The following CFAP54 variants were observed in gnomAD, a reference collection of about 807,000 sequenced individuals.
The protein encoded by CFAP54 is cilia and flagella associated protein 54.
Under a neutral mutation model 370.4 loss-of-function variants are expected in CFAP54, and 290 were observed. The ratio of observed to expected loss-of-function variants is 0.78; its 90% CI spans 0.71 to 0.86. The LOEUF (loss-of-function observed/expected upper bound fraction) is 0.86. Ranked by LOEUF, CFAP54 falls within the 40% of genes least tolerant of loss-of-function variation. CFAP54 has a pLI of 0.00. For missense variants in CFAP54, 3,399 were observed against 3,528.7 expected (o/e 0.96, Z 0.93); for synonymous variants, 1,206 against 1,236.5 (o/e 0.98, Z 0.52).
Position 96,574,090 on chromosome 12 carries a change from G to GA in CFAP54, c.2620-2489dup, listed in dbSNP as rs535419329. Among the ~76,000 whole-genome samples, 971 of 152,222 alleles carry GA rather than the reference G, an allele frequency of 6.4e-3. 9 individuals carry two copies. The highest frequency in any genetic ancestry group is 0.01 in the Non-Finnish European group (707 of 68,006). On this transcript the variant is annotated intron_variant, in intron 19 of 67. Coordinates refer to ENST00000524981, the MANE Select transcript of CFAP54 (RefSeq NM_001306084.2). ...ATTTCGACCAGGCTTCATTATTTTAGAAAAAATATATGATGTTATAGTTTT... is the reference window on the plus strand; with the variant it reads ...ATTTCGACCAGGCTTCATTATTTTAGAAAAAAATATATGATGTTATAGTTTT...
intron 67 of CFAP54, among the ~76,000 whole-genome samples, chr12:96,865,026 G>A (rs1253226630): frequency 2.0e-5 from 3 of 152,142 alleles, no homozygotes; most frequent in Admixed American, 6.5e-5. Flanking sequence ...GGAGAAAACA[G>A]TGAACCCAGA....
intron 19 of CFAP54, among the ~76,000 whole-genome samples, chr12:96,568,332 C>T (rs557244981): frequency 1.3e-5 from 2 of 151,930 alleles, no homozygotes; most frequent in East Asian, 3.9e-4. Flanking sequence ...TTAGGATAGA[C>T]TCTTGAGATG....
intron 19 of CFAP54, among the ~76,000 whole-genome samples, chr12:96,566,014 G>A (rs1955862407): frequency 6.6e-6 from 1 of 152,114 alleles, no homozygotes; most frequent in Non-Finnish European, 1.5e-5. Context: ...CCTTCACTGG[G>A]CACTCATTCT....
intron 21 of CFAP54, 68 bp downstream of exon 21, chr12:96,580,757 T>A: frequency 8.4e-7 from 1 of 1,190,560 alleles, no homozygotes; most frequent in South Asian, 1.7e-5. Flanking sequence ...TTAAATGAAG[T>A]CATTGTTTTG....
chr12:96,542,592 T>C (rs1955588880), intron 14 of CFAP54, among the ~76,000 whole-genome samples: 1 of 152,156 alleles, frequency 6.6e-6, no homozygotes, highest in South Asian at 2.1e-4. Flanking sequence ...CCCTGCAACG[T>C]TTCCCCCTCT....
intron 17 of CFAP54, among the ~76,000 whole-genome samples, chr12:96,562,504 G>A (rs527993547): frequency 6.8e-6 from 1 of 147,610 alleles, no homozygotes; most frequent in South Asian, 2.1e-4. Flanking sequence ...TCAGCTCACT[G>A]GAACCTCTGC....
At chr12:96,620,022 A>T (rs1035208828) in intron 26 of CFAP54, among the ~76,000 whole-genome samples, 18 of 152,154 alleles carry the variant, frequency 1.2e-4, no homozygotes, top group African/African-American at 3.6e-4. Flanking sequence ...AAAAATTTTT[A>T]AAAAAACTCA....
At chr12:96,824,128 C>G (rs1244755628) in intron 65 of CFAP54, among the ~76,000 whole-genome samples, 1 of 152,098 alleles carries the variant, frequency 6.6e-6, no homozygotes, top group Non-Finnish European at 1.5e-5. Context: ...CCTCCCAGCC[C>G]CTCGCTAGCT....
chr12:96,872,649 A>G (rs1190546548), intron 67 of CFAP54, among the ~76,000 whole-genome samples: 1 of 152,210 alleles, frequency 6.6e-6, no homozygotes, highest in Non-Finnish European at 1.5e-5. Context: ...ATTTTTTAAC[A>G]TCTAGTACAG....
chr12:96,663,044 G>A (rs902866488), intron 38 of CFAP54, among the ~76,000 whole-genome samples: 1 of 152,008 alleles, frequency 6.6e-6, no homozygotes, highest in Non-Finnish European at 1.5e-5. Context: ...CCTTCTTCTT[G>A]TAACAGTGTT....
At position 96,594,292 on chromosome 12, in the gene CFAP54, T is replaced by C; in HGVS notation, c.3362T>C (p.Ile1121Thr). 2.6e-6 allele frequency: 4 copies of C among 1,522,552 alleles called. No homozygotes were observed. Among genetic ancestry groups the C allele is most frequent in the Non-Finnish European group, 3.5e-6 (4 of 1,137,916 alleles). 94.3% of individuals were successfully genotyped at this position (1,522,552 alleles called of 1,614,324 possible). ...GTAACAATGCCTGTTTCTTTACAGATTGCCAGACTGATTGAATGTGAGAGA... is the reference window on the plus strand; with the variant it reads ...GTAACAATGCCTGTTTCTTTACAGACTGCCAGACTGATTGAATGTGAGAGA... The part of the protein sequence containing the change: ...KGNEIFPSQQ[I>T]ARLIECERVL... Residue 1121 changes from isoleucine to threonine, a missense_variant and splice_region_variant, in exon 25 of 68, where the codon ATT becomes ACT. Transcript: ENST00000524981.
intron 64 of CFAP54, among the ~76,000 whole-genome samples, chr12:96,814,542 G>GT (rs1958957113): frequency 6.6e-6 from 1 of 152,118 alleles, no homozygotes; most frequent in Non-Finnish European, 1.5e-5. Context: ...ATGACCTATT[G>GT]TTTTTTAAGT....
At chr12:96,693,113 G>C (rs1025982205) in intron 44 of CFAP54, among the ~76,000 whole-genome samples, 4 of 152,222 alleles carry the variant, frequency 2.6e-5, no homozygotes, top group African/African-American at 4.8e-5. Context: ...AAAATATTAT[G>C]AGAAGAGTAA....
intron 25 of CFAP54, among the ~76,000 whole-genome samples, 162 bp from the exon 26 acceptor site, chr12:96,598,483 A>T (rs1316127814): frequency 6.6e-6 from 1 of 151,998 alleles, no homozygotes. Context: ...TATCAACTTT[A>T]TCTCAGTGTA....
intron 38 of CFAP54, among the ~76,000 whole-genome samples, chr12:96,662,101 A>T (rs1957001504): frequency 6.6e-6 from 1 of 152,034 alleles, no homozygotes; most frequent in Admixed American, 6.6e-5. Context: ...TATAGAATGC[A>T]CCTCACTATT....
rs1210967553 is a variant in CFAP54 at position 96,625,776 on chromosome 12, G to A, written c.3945G>A (p.Leu1315=). ...EDPIFLYPVV[L]NWSVKGAVKE... ...CTATATTTCTTTATCCTGTAGTTTTGAATTGGTCGGTCAAAGGTGCCGTGA... is the reference window on the plus strand; with the variant it reads ...CTATATTTCTTTATCCTGTAGTTTTAAATTGGTCGGTCAAAGGTGCCGTGA... Residue 1315 remains leucine (L), a synonymous_variant, in exon 29 of 68, where the codon TTG becomes TTA. Transcript: ENST00000524981. 1.3e-6 allele frequency: 2 copies of A among 1,535,718 alleles called. No individual in the cohort carries two copies. Among genetic ancestry groups the A allele is most frequent in the South Asian group, 1.2e-5 (1 of 84,030 alleles).
At chr12:96,565,370 C>T (rs1955856790) in intron 19 of CFAP54, among the ~76,000 whole-genome samples, 2 of 152,056 alleles carry the variant, frequency 1.3e-5, no homozygotes, top group South Asian at 4.1e-4. Flanking sequence ...GTGGGTGGGA[C>T]TACAGACATG....
chr12:96,728,867 C>A (rs899977502), intron 50 of CFAP54, among the ~76,000 whole-genome samples: 5 of 152,112 alleles, frequency 3.3e-5, no homozygotes, highest in African/African-American at 1.2e-4. Context: ...TGTGGATGTC[C>A]TTTCTGTTTG....
intron 1 of CFAP54, among the ~76,000 whole-genome samples, chr12:96,492,508 A>G (rs1226937946): frequency 6.6e-6 from 1 of 152,150 alleles, no homozygotes; most frequent in East Asian, 1.9e-4. Context: ...TTCCTATCGA[A>G]TGCAGATTCA....
Sources: gnomAD v4.1 joint callset for allele counts (sites outside exome capture counted in the v4.1 genomes callset) on GRCh38, gnomAD v4.1.1 for gene constraint, MANE v1.5 for transcripts, NCBI Gene and HGNC (gene_info 2026-07-23, HGNC 2026-07-21) for gene names.